DDX10: variants seen among roughly 807,000 people sequenced by gnomAD.
DDX10 encodes probable ATP-dependent RNA helicase DDX10.
Under a neutral mutation model 104.3 loss-of-function variants are expected in DDX10, and 74 were observed. The ratio of observed to expected loss-of-function variants is 0.71; its 90% CI spans 0.59 to 0.86. DDX10 has a LOEUF of 0.86. Ranked by LOEUF, DDX10 falls within the 40% of genes least tolerant of loss-of-function variation. The probability of loss-of-function intolerance (pLI) is 0.00; values close to 1 mark genes in which losing one functional copy is unlikely to be tolerated. For synonymous variants in DDX10, 351 were observed against 353.4 expected (o/e 0.99, Z 0.08); for missense variants, 952 against 1,040.0 (o/e 0.92, Z 1.16).
chr11:108,807,302 T>G (rs1862114758), intron 13 of DDX10, among the ~76,000 whole-genome samples: 1 of 152,130 alleles, frequency 6.6e-6, no homozygotes, highest in African/African-American at 2.4e-5. Flanking sequence ...TGGGTTTTAT[T>G]GCTTAGTGAC....
At chr11:108,759,717 CT>C (rs964793455) in intron 13 of DDX10, among the ~76,000 whole-genome samples, 1 of 151,794 alleles carries the variant, frequency 6.6e-6, no homozygotes, top group Non-Finnish European at 1.5e-5. Context: ...CCCCGCATCA[CT>C]TTTTTTTCCA....
At chr11:108,838,766 C>T (rs1308714745) in intron 14 of DDX10, among the ~76,000 whole-genome samples, 3 of 152,208 alleles carry the variant, frequency 2.0e-5, no homozygotes, top group Non-Finnish European at 4.4e-5. Flanking sequence ...AGCCGAGATA[C>T]TTCTTGGTAA....
Position 108,940,560 on chromosome 11 carries a change from C to A in DDX10, c.*137C>A. 1 of 789,728 alleles carries A rather than the reference C, an allele frequency of 1.3e-6. No individual in the cohort carries two copies. The highest frequency in any genetic ancestry group is 2.0e-6 in the Non-Finnish European group (1 of 510,604). The allele number at this position is 789,728 out of a possible 1,614,324, so 48.9% of individuals were successfully genotyped here. On this transcript the variant is annotated 3_prime_UTR_variant, in exon 18 of 18. Transcript: ENST00000322536. ...GGGCACATTTCTGGATAGAAGCGAT[C>A]GTATCTCCAAGTCCCTCTCACAGGA...
At chr11:108,719,522 C>T (rs981564907) in intron 11 of DDX10, among the ~76,000 whole-genome samples, 1 of 151,980 alleles carries the variant, frequency 6.6e-6, no homozygotes, top group Non-Finnish European at 1.5e-5. Flanking sequence ...CCATGGTGTA[C>T]CTTATTGTAA....
At chr11:108,857,544 C>G (rs955736020) in intron 16 of DDX10, among the ~76,000 whole-genome samples, 10 of 152,108 alleles carry the variant, frequency 6.6e-5, no homozygotes, top group African/African-American at 2.2e-4. Flanking sequence ...CTCTTGTTTT[C>G]CTTTGTGTGC....
At chr11:108,895,286 G>A (rs1162661017) in intron 16 of DDX10, among the ~76,000 whole-genome samples, 1 of 151,240 alleles carries the variant, frequency 6.6e-6, no homozygotes, top group African/African-American at 2.4e-5. Context: ...TACTTAAGGT[G>A]TGATTTGTTT....
intron 6 of DDX10, 51 bp downstream of exon 6, chr11:108,679,611 T>C (rs765636756): frequency 3.0e-5 from 40 of 1,346,886 alleles, no homozygotes; most frequent in Non-Finnish European, 4.0e-5. Context: ...TTTTTTAGTT[T>C]AGGGATTTGG....
At chr11:108,907,406 G>C (rs1384590496) in intron 16 of DDX10, among the ~76,000 whole-genome samples, 1 of 150,784 alleles carries the variant, frequency 6.6e-6, no homozygotes, top group Admixed American at 6.6e-5. Context: ...CGTGATCTCA[G>C]CTCACTGCAA....
intron 13 of DDX10, among the ~76,000 whole-genome samples, chr11:108,752,377 G>A (rs529148406): frequency 6.6e-6 from 1 of 152,220 alleles, no homozygotes; most frequent in African/African-American, 2.4e-5. Flanking sequence ...ATTTTTTGGT[G>A]TTCTTTTCAC....
At chr11:108,687,519 C>T (rs1285615182) in intron 6 of DDX10, among the ~76,000 whole-genome samples, 2 of 152,138 alleles carry the variant, frequency 1.3e-5, no homozygotes, top group African/African-American at 4.8e-5. Flanking sequence ...CCATGTTGCC[C>T]AGGCTGGTGT....
At chr11:108,769,340 C>A (rs1012708859) in intron 13 of DDX10, among the ~76,000 whole-genome samples, 1 of 151,796 alleles carries the variant, frequency 6.6e-6, no homozygotes, top group Non-Finnish European at 1.5e-5. Flanking sequence ...TCTCTGATGT[C>A]TTTTTCTGTA....
intron 10 of DDX10, among the ~76,000 whole-genome samples, chr11:108,715,487 A>G (rs1188734120): frequency 6.6e-6 from 1 of 152,224 alleles, no homozygotes; most frequent in African/African-American, 2.4e-5. Context: ...TTGCACCACT[A>G]CACTCCAGCC....
intron 16 of DDX10, among the ~76,000 whole-genome samples, chr11:108,899,352 A>T (rs1353308716): frequency 2.6e-5 from 4 of 152,194 alleles, no homozygotes; most frequent in Non-Finnish European, 5.9e-5. Context: ...TTTAAAACCA[A>T]TTACAGAGAT....
chr11:108,779,203 T>C (rs1002895114), intron 13 of DDX10, among the ~76,000 whole-genome samples: 40 of 152,268 alleles, frequency 2.6e-4, no homozygotes, highest in African/African-American at 9.4e-4. Context: ...ACCCAAAGGA[T>C]TATAAATCAT....
intron 15 of DDX10, among the ~76,000 whole-genome samples, chr11:108,841,793 C>T (rs1366801050): frequency 2.0e-5 from 3 of 152,018 alleles, no homozygotes; most frequent in African/African-American, 7.2e-5. Flanking sequence ...TAGAGATATC[C>T]CAAGCTCTCC....
At chr11:108,702,328 A>G (rs771480128) in intron 9 of DDX10, among the ~76,000 whole-genome samples, 2 of 152,148 alleles carry the variant, frequency 1.3e-5, no homozygotes, top group Non-Finnish European at 2.9e-5. Context: ...GTCTGCATAT[A>G]TTTTTTCTAG....
At position 108,665,081 on chromosome 11, in the gene DDX10, T is replaced by C. The variant is rs1591784612; in HGVS notation, c.-73T>C. On this transcript the variant is annotated 5_prime_UTR_variant, in exon 1 of 18. It removes an upstream start codon present in the reference 5' UTR. Transcript: ENST00000322536. ...CATGCGCCTCTGTGCGTTTGTCCCA[T>C]GCTGGTTCCGTGAGTCTGGCCTTAG... 10 of 1,472,052 alleles carry C rather than the reference T, an allele frequency of 6.8e-6. No homozygotes were observed. In the East Asian group the frequency reaches 1.8e-4, roughly 27 times the overall value. The allele number at this position is 1,472,052 out of a possible 1,614,324, so 91.2% of individuals were successfully genotyped here.
intron 13 of DDX10, among the ~76,000 whole-genome samples, chr11:108,803,742 G>A (rs1862058581): frequency 6.6e-6 from 1 of 152,012 alleles, no homozygotes; most frequent in African/African-American, 2.4e-5. Flanking sequence ...TTTTAGATAA[G>A]TAAATTTCAG....
intron 15 of DDX10, among the ~76,000 whole-genome samples, chr11:108,851,856 A>T (rs2134605288): frequency 6.6e-6 from 1 of 152,218 alleles, no homozygotes; most frequent in South Asian, 2.1e-4. Flanking sequence ...TCTCTTGTAT[A>T]ATTGTACATT....
Sources: allele counts gnomAD v4.1 joint callset (sites outside exome capture counted in the v4.1 genomes callset), GRCh38; gene constraint gnomAD v4.1.1; transcripts MANE v1.5; gene names NCBI Gene and HGNC (gene_info 2026-07-23, HGNC 2026-07-21).